HAS3: variants seen among roughly 807,000 people sequenced by gnomAD.
HAS3 encodes HA synthase 3.
HAS3 carries 27 observed loss-of-function variants against 50.3 expected under a neutral mutation model. That is an observed-to-expected ratio of 0.54 (90% CI 0.40 to 0.74). HAS3 has a LOEUF of 0.74. Among genes scored for constraint, HAS3 ranks in the 30% least tolerant of loss-of-function variants. The pLI, the probability that HAS3 is intolerant of heterozygous loss-of-function variation, is 0.00. For missense variants in HAS3, 517 were observed against 742.8 expected, an observed-to-expected ratio of 0.70 and a Z score of 3.53; for synonymous variants, 339 against 310.9, an observed-to-expected ratio of 1.09 and a Z score of -0.95.
the HAS3 span, among the ~76,000 whole-genome samples, chr16:69,099,991 TGGCCCCTTAGCAGG>T: frequency 6.6e-6 from 1 of 152,158 alleles, no homozygotes. Flanking sequence ...TAAAAGAACC[TGGCCCCTTAGCAGG>T]GGCTGACCGC....
At position 69,113,470 on chromosome 16, in the gene HAS3, A is replaced by T; in HGVS notation, c.666A>T (p.Pro222=). 1 of 1,613,906 alleles carries T rather than the reference A, an allele frequency of 6.2e-7. No homozygotes were observed. Among genetic ancestry groups the T allele is most frequent in the South Asian group, 1.1e-5 (1 of 91,078 alleles). Residue 222 remains proline (P), a synonymous_variant, in exon 3 of 4, where the codon CCA becomes CCT. Transcript: ENST00000569188. The part of the protein sequence containing the change: ...QVCDSDTVLD[P]ACTIEMLRVL... ...GCGACTCTGACACTGTGCTGGATCC[A>T]GCCTGCACCATCGAGATGCTTCGAG...
chr16:69,089,926 CCA>C, the HAS3 span, among the ~76,000 whole-genome samples: 1 of 152,156 alleles, frequency 6.6e-6, no homozygotes, highest in African/African-American at 2.4e-5. Flanking sequence ...CATTTTCCAT[CCA>C]TAAGCTTGTC....
At position 69,109,589 on chromosome 16, in the gene HAS3, T is replaced by G. The variant is rs929672946; in HGVS notation, c.194T>G (p.Leu65Arg). Residue 65 changes from leucine (L) to arginine (R), a missense_variant, in exon 2 of 4, where the codon CTG becomes CGG. Leu to Arg is a moderately radical substitution (Grantham distance 102, BLOSUM62 -2). Transcript: ENST00000569188. This position sits in a 1 kb window ranked among gnomAD's most constrained non-coding sequence, Gnocchi z 5.3. ...HLLIQSLFAF[L>R]EHRRMRRAGQ... Reference sequence around the variant, plus strand: ...CTCATTCAGAGCCTTTTTGCCTTCCTGGAGCACCGGCGCATGCGACGTGCC... The same window carrying G: ...CTCATTCAGAGCCTTTTTGCCTTCCGGGAGCACCGGCGCATGCGACGTGCC... 6 of 1,613,066 alleles carry G rather than the reference T, an allele frequency of 3.7e-6. No homozygotes were observed. Among genetic ancestry groups the G allele is most frequent in the Non-Finnish European group, 4.2e-6 (5 of 1,179,998 alleles).
the HAS3 span, among the ~76,000 whole-genome samples, chr16:69,095,330 C>T: frequency 6.6e-6 from 1 of 152,068 alleles, no homozygotes; most frequent in Non-Finnish European, 1.5e-5. Context: ...GTGCCAACAC[C>T]GTGGCAGGCC....
the HAS3 span, among the ~76,000 whole-genome samples, chr16:69,090,779 C>T: frequency 6.6e-6 from 1 of 152,126 alleles, no homozygotes; most frequent in African/African-American, 2.4e-5. Context: ...CGCCATGTTG[C>T]CCAGTCTGGT....
chr16:69,110,400 G>T (rs917949700), intron 2 of HAS3, among the ~76,000 whole-genome samples: 1 of 152,218 alleles, frequency 6.6e-6, no homozygotes, highest in East Asian at 1.9e-4. Context: ...CACCACACCC[G>T]GCCTTATTAT....
chr16:69,093,078 T>C, the HAS3 span, among the ~76,000 whole-genome samples: 1 of 152,190 alleles, frequency 6.6e-6, no homozygotes, highest in Non-Finnish European at 1.5e-5. Context: ...ATGTGCAACA[T>C]AGAAAATGTA....
upstream of HAS3, among the ~76,000 whole-genome samples, chr16:69,102,669 C>T (rs1003249481): frequency 2.0e-5 from 3 of 152,194 alleles, no homozygotes; most frequent in East Asian, 5.8e-4. Context: ...TCTATCTGGA[C>T]CCACTGTTGG....
In HAS3 at chr16:69,113,448, A is replaced by C; in HGVS notation, c.644A>C (p.Asp215Ala). ...GDSVDYIQVCDSDTVLDPACT... is the reference protein window; with the variant it reads ...GDSVDYIQVCASDTVLDPACT... ...GACGCACTCCCTCTGCAGGTGTGCG[A>C]CTCTGACACTGTGCTGGATCCAGCC... Residue 215 changes from aspartate to alanine, a missense_variant, in exon 3 of 4, where the codon GAC (aspartate) becomes GCC (alanine). By Grantham distance (126) the Asp-to-Ala change is moderately radical. Transcript: ENST00000569188. The C allele has an allele frequency of 6.2e-7, 1 of 1,612,564 alleles. No homozygotes were observed. Among genetic ancestry groups the C allele is most frequent in the Non-Finnish European group, 8.5e-7 (1 of 1,178,924 alleles).
upstream of HAS3, among the ~76,000 whole-genome samples, chr16:69,101,854 G>C (rs755438597): frequency 6.6e-6 from 1 of 151,524 alleles, no homozygotes; most frequent in Non-Finnish European, 1.5e-5. Context: ...GCACGATCTC[G>C]GCTCACTGCA....
rs934295361 is a variant in HAS3 at position 69,116,995 on chromosome 16, C to T, written c.*1729C>T. 2 of 985,314 alleles carry T rather than the reference C, an allele frequency of 2.0e-6. No individual in the cohort carries two copies. Among genetic ancestry groups the T allele is most frequent in the African/African-American group, 1.7e-5 (1 of 57,226 alleles). The allele number at this position is 985,314 out of a possible 1,614,324, so 61.0% of individuals were successfully genotyped here. On this transcript the variant is annotated 3_prime_UTR_variant, in exon 4 of 4. Transcript: ENST00000569188. ...CCCTGGTGCTTTCCTTCATCTCCCACGAACTCAAGGGTTTTCCAGGTGTAG... is the reference window on the plus strand; with the variant it reads ...CCCTGGTGCTTTCCTTCATCTCCCATGAACTCAAGGGTTTTCCAGGTGTAG...
At chr16:69,089,317 T>C in the HAS3 span, among the ~76,000 whole-genome samples, 1 of 152,200 alleles carries the variant, frequency 6.6e-6, no homozygotes, top group African/African-American at 2.4e-5. Flanking sequence ...GCTTCTGCAG[T>C]CTTTGCACAG....
the HAS3 span, among the ~76,000 whole-genome samples, chr16:69,093,511 C>G: frequency 2.1e-4 from 32 of 150,352 alleles, no homozygotes; most frequent in African/African-American, 7.6e-4. Context: ...CTGAGCCCAG[C>G]CTACAGTGTA....
At chr16:69,083,494 G>A in the HAS3 span, 46 of 1,610,138 alleles carry the variant, frequency 2.9e-5, no homozygotes, top group South Asian at 3.1e-4. Flanking sequence ...GGTGCTGAGC[G>A]CCGTCCTCAA....
the HAS3 span, among the ~76,000 whole-genome samples, chr16:69,087,462 T>G: frequency 6.6e-6 from 1 of 152,196 alleles, no homozygotes; most frequent in Non-Finnish European, 1.5e-5. Flanking sequence ...ATCAGAAATC[T>G]CTTAACTTTT....
At chr16:69,103,670 T>C (rs1960719291), upstream of HAS3, among the ~76,000 whole-genome samples, 1 of 152,154 alleles carries the variant, frequency 6.6e-6, no homozygotes, top group Admixed American at 6.5e-5. Context: ...GTGCTGGGAT[T>C]ACAGGTGTGA....
chr16:69,115,038 C>T lies in HAS3; in HGVS notation c.1434C>T (p.Phe478=), dbSNP rs1413372743. Residue 478 remains phenylalanine (F), a synonymous_variant, in exon 4 of 4, where the codon TTC becomes TTT. Transcript: ENST00000569188. ...GCCGAAAAACCATTGTGGTGAACTT[C>T]ATTGGCCTCATTCCTGTGTCCATCT... is the stretch of plus-strand genomic sequence containing the variant. ...TSGRKTIVVN[F]IGLIPVSIWV... The T allele has an allele frequency of 6.2e-7, 1 of 1,614,040 alleles. No individual in the cohort carries two copies. Among genetic ancestry groups the T allele is most frequent in the African/African-American group, 1.3e-5 (1 of 74,928 alleles).
Position 69,109,700 on chromosome 16 carries a change from G to A in HAS3, c.305G>A (p.Arg102His), listed in dbSNP as rs750142884. 1.4e-5 allele frequency: 23 copies of A among 1,610,498 alleles called. No homozygotes were observed. The highest frequency in any genetic ancestry group is 1.9e-5 in the Non-Finnish European group (23 of 1,179,914). The change falls in exon 2 of 4, where the codon CGC (arginine) becomes CAC (histidine). Residue 102 changes from arginine (R) to histidine (H), a missense_variant. Arg to His is a conservative substitution (Grantham distance 29). Coordinates refer to ENST00000569188, the MANE Select transcript of HAS3 (RefSeq NM_001199280.2). The surrounding 1 kb of genome is among the most constrained non-coding windows in gnomAD (Gnocchi z 5.3). ...TACCAGGAGGACCCTGACTACTTGC[G>A]CAAGTGCCTGCGCTCGGCCCAGCGC... Reference protein sequence around the residue: ...AAYQEDPDYLRKCLRSAQRIS... With the variant: ...AAYQEDPDYLHKCLRSAQRIS...
upstream of HAS3, among the ~76,000 whole-genome samples, chr16:69,104,117 G>A (rs1012630613): frequency 2.1e-4 from 32 of 152,224 alleles, no homozygotes; most frequent in Non-Finnish European, 2.9e-4. Flanking sequence ...TTGAGACAGC[G>A]TCTTGTTCTG....
Sources: allele counts gnomAD v4.1 joint callset (sites outside exome capture counted in the v4.1 genomes callset), GRCh38; gene constraint gnomAD v4.1.1; non-coding constraint Gnocchi (gnomAD v3.1); transcripts MANE v1.5; gene names NCBI Gene and HGNC (gene_info 2026-07-23, HGNC 2026-07-21).